CSMD1: variants seen among roughly 807,000 people sequenced by gnomAD.
CSMD1 encodes CUB and Sushi multiple domains 1, also known as CUB and sushi domain-containing protein 1.
Under a neutral mutation model 417.5 loss-of-function variants are expected in CSMD1, and 213 were observed. The ratio of observed to expected loss-of-function variants is 0.51; its 90% CI spans 0.46 to 0.57. The LOEUF (loss-of-function observed/expected upper bound fraction) is 0.57, where lower values mean the gene tolerates loss of function less well. CSMD1 is among the 20% of genes least tolerant of loss of function. CSMD1 has a pLI of 0.00. For synonymous variants in CSMD1, 2,862 were observed against 1,736.8 expected (o/e 1.65, Z -16.11); for missense variants, 6,923 against 4,529.7 (o/e 1.53, Z -15.17).
intron 54 of CSMD1, among the ~76,000 whole-genome samples, chr8:2,997,729 A>C (rs677725): frequency 0.11 from 17,128 of 152,246 alleles, 1,096 homozygotes; most frequent in African/African-American, 0.17. Flanking sequence ...ACAGGGTAGA[A>C]ATAAATGTGT....
intron 3 of CSMD1, among the ~76,000 whole-genome samples, chr8:4,297,269 G>A (rs1014607446): frequency 1.3e-5 from 2 of 151,930 alleles, no homozygotes; most frequent in South Asian, 2.1e-4. Flanking sequence ...ATTTACCAAG[G>A]CTATATGAAG....
intron 11 of CSMD1, among the ~76,000 whole-genome samples, chr8:3,475,064 C>G (rs925408457): frequency 2.0e-5 from 3 of 152,146 alleles, no homozygotes; most frequent in African/African-American, 7.2e-5. Context: ...TGGCATTTCT[C>G]CGTTCCCAGG....
chr8:4,654,913 C>T lies in CSMD1; in HGVS notation c.86-17355G>A, dbSNP rs534511849. Among the ~76,000 whole-genome samples, 71 of 151,910 alleles carry T rather than the reference C, an allele frequency of 4.7e-4. 3 individuals carry two copies. Among genetic ancestry groups the T allele is most frequent in the African/African-American group, 1.6e-3 (65 of 41,336 alleles). On this transcript the variant is annotated intron_variant, in intron 1 of 69. Coordinates refer to ENST00000635120, the MANE Select transcript of CSMD1 (RefSeq NM_033225.6). ...CCTATTATACATTATACAATATACC[C>T]ATGTAACAAACCTGCACAGGTATCC...
At chr8:3,147,798 C>G (rs1563086385) in intron 40 of CSMD1, among the ~76,000 whole-genome samples, 1 of 152,156 alleles carries the variant, frequency 6.6e-6, no homozygotes, top group Non-Finnish European at 1.5e-5. Flanking sequence ...CACAGTTTCC[C>G]AAACCTCTGA....
Position 4,232,015 on chromosome 8 carries a change from G to T in CSMD1, c.415+187938C>A, listed in dbSNP as rs76478243. Among the ~76,000 whole-genome samples, 334 of 152,244 alleles carry T rather than the reference G, an allele frequency of 2.2e-3. 1 individual carries two copies. Among genetic ancestry groups the T allele is most frequent in the African/African-American group, 7.1e-3 (296 of 41,536 alleles). On this transcript the variant is annotated intron_variant, in intron 3 of 69. Coordinates refer to ENST00000635120, the MANE Select transcript of CSMD1 (RefSeq NM_033225.6). ...TAAAGCAAAGCCATCGACATAGGAC[G>T]TAAGTATGAAACAATATGTTGGCCT...
chr8:3,786,803 G>T (rs571707902), intron 5 of CSMD1, among the ~76,000 whole-genome samples: 1 of 152,174 alleles, frequency 6.6e-6, no homozygotes, highest in Non-Finnish European at 1.5e-5. Context: ...AGGTGGTAGA[G>T]AGAGAAGAAG....
At chr8:3,345,734 T>A (rs948933874) in intron 22 of CSMD1, among the ~76,000 whole-genome samples, 2 of 152,164 alleles carry the variant, frequency 1.3e-5, no homozygotes, top group Admixed American at 6.5e-5. Flanking sequence ...TGCCATATAC[T>A]CAAGGGATGT....
intron 30 of CSMD1, among the ~76,000 whole-genome samples, chr8:3,213,622 A>C (rs1048665788): frequency 6.6e-6 from 1 of 152,150 alleles, no homozygotes; most frequent in South Asian, 2.1e-4. Context: ...ATTTAAATAT[A>C]TACATATTAG....
At chr8:4,930,119 C>T (rs1807147990) in intron 1 of CSMD1, among the ~76,000 whole-genome samples, 1 of 152,238 alleles carries the variant, frequency 6.6e-6, no homozygotes, top group African/African-American at 2.4e-5. Context: ...TTTGTGTGAC[C>T]TTACATCAAT....
chr8:3,093,162 G>A (rs997652029), intron 47 of CSMD1, among the ~76,000 whole-genome samples: 1 of 152,126 alleles, frequency 6.6e-6, no homozygotes, highest in African/African-American at 2.4e-5. Flanking sequence ...GAGAGGGAGG[G>A]TCCCTAAAGA....
chr8:4,465,256 C>CT (rs1243635615), intron 2 of CSMD1, among the ~76,000 whole-genome samples: 3 of 152,124 alleles, frequency 2.0e-5, no homozygotes, highest in Non-Finnish European at 4.4e-5. Context: ...TCTCTTTCAT[C>CT]TTTTTTTCCA....
chr8:4,343,781 C>T (rs76297981), intron 3 of CSMD1, among the ~76,000 whole-genome samples: 3,398 of 152,108 alleles, frequency 0.022, 48 homozygotes, highest in Middle Eastern at 0.034. Flanking sequence ...TCATCCTACA[C>T]GTTCCGTATT....
chr8:3,887,543 C>G lies in CSMD1; in HGVS notation c.818+110360G>C, dbSNP rs114950367. Among the ~76,000 whole-genome samples the G allele has an allele frequency of 6.9e-3, 1,049 of 152,312 alleles. 15 individuals are homozygous for G. Among genetic ancestry groups the G allele is most frequent in the African/African-American group, 0.024 (1,003 of 41,582 alleles). On this transcript the variant is annotated intron_variant, in intron 5 of 69. Transcript: ENST00000635120. ...TAAACATGAATGTCCAGACCTTAATCTCAACCAATTAAATTAGAATTCCTG... is the reference window on the plus strand; with the variant it reads ...TAAACATGAATGTCCAGACCTTAATGTCAACCAATTAAATTAGAATTCCTG...
At position 3,189,929 on chromosome 8, in the gene CSMD1, G is replaced by C. The variant is rs1319317481; in HGVS notation, c.5381C>G (p.Thr1794Arg). The change falls in exon 34 of 70, where the codon ACG becomes AGG. Residue 1794 changes from threonine to arginine, a missense_variant. Physicochemically the swap from Thr to Arg is moderately conservative, Grantham distance 71 (BLOSUM62 -1). Transcript: ENST00000635120. ...CTGCTCACCCACACAGCTGGGGATCGTGTCGTTCCACTGTGCCAAGGCGTT... is the reference window on the plus strand; with the variant it reads ...CTGCTCACCCACACAGCTGGGGATCCTGTCGTTCCACTGTGCCAAGGCGTT... ...VPNALAQWND[T>R]IPSCVVPCSG... The C allele has an allele frequency of 6.3e-7, 1 of 1,584,306 alleles. No homozygotes were observed. The highest frequency in any genetic ancestry group is 8.6e-7 in the Non-Finnish European group (1 of 1,165,648).
intron 3 of CSMD1, among the ~76,000 whole-genome samples, chr8:4,207,665 T>C (rs1800060864): frequency 1.3e-5 from 2 of 152,248 alleles, no homozygotes; most frequent in African/African-American, 4.8e-5. Flanking sequence ...CTACATAAAT[T>C]AGTGTGCATT....
rs373248324 is a variant in CSMD1 at position 3,780,414 on chromosome 8, C to A, written c.819-26372G>T. On this transcript the variant is annotated intron_variant, in intron 5 of 69. Coordinates refer to ENST00000635120, the MANE Select transcript of CSMD1 (RefSeq NM_033225.6). ...TTATCGCCTTTTCAGCACACATTAT[C>A]AACACTGCTGACTCACTAGTAAGAG... 1.8e-4 allele frequency among the ~76,000 whole-genome samples: 27 copies of A among 152,300 alleles called. No homozygotes were observed. The East Asian group carries it at 3.5e-3, about 20-fold the overall frequency.
chr8:4,098,930 A>G (rs1037606954), intron 3 of CSMD1, among the ~76,000 whole-genome samples: 5 of 152,226 alleles, frequency 3.3e-5, no homozygotes, highest in Admixed American at 6.5e-5. Context: ...ACTGGGGTAC[A>G]ACACAGAAAA....
At chr8:4,150,678 T>C (rs1028335852) in intron 3 of CSMD1, among the ~76,000 whole-genome samples, 4 of 152,184 alleles carry the variant, frequency 2.6e-5, no homozygotes, top group Admixed American at 6.5e-5. Flanking sequence ...ATAAGGAGTG[T>C]TTAGCATTTG....
chr8:4,061,966 G>C (rs1274795389), intron 3 of CSMD1, among the ~76,000 whole-genome samples: 1 of 152,124 alleles, frequency 6.6e-6, no homozygotes, highest in Non-Finnish European at 1.5e-5. Context: ...ATCTTAGTCA[G>C]GGGATGCCAA....
Sources: allele counts gnomAD v4.1 joint callset (sites outside exome capture counted in the v4.1 genomes callset), GRCh38; gene constraint gnomAD v4.1.1; transcripts MANE v1.5; gene names NCBI Gene and HGNC (gene_info 2026-07-23, HGNC 2026-07-21).